The following FGF14 variants were observed in gnomAD, a reference collection of about 807,000 sequenced individuals.
FGF14 encodes the protein fibroblast growth factor homologous factor 4.
Under a neutral mutation model 25.5 loss-of-function variants are expected in FGF14, and 5 were observed. That is an observed-to-expected ratio of 0.20 (90% CI 0.10 to 0.41). The LOEUF (loss-of-function observed/expected upper bound fraction) is 0.41, where lower values mean the gene tolerates loss of function less well. FGF14 is among the 10% of genes least tolerant of loss of function. The pLI, the probability that FGF14 is intolerant of heterozygous loss-of-function variation, is 1.00. For missense variants in FGF14, 222 were observed against 320.1 expected, an observed-to-expected ratio of 0.69 and a Z score of 2.34; for synonymous variants, 138 against 118.3, an observed-to-expected ratio of 1.17 and a Z score of -1.08.
At chr13:101,753,020 G>A (rs1224090826) in intron 3 of FGF14, among the ~76,000 whole-genome samples, 1 of 152,032 alleles carries the variant, frequency 6.6e-6, no homozygotes, top group South Asian at 2.1e-4. Context: ...GTTTAATTAT[G>A]GTTTGATAAT....
At position 102,374,644 on chromosome 13, in the gene FGF14, T is replaced by TTATATA. The variant is rs55670716; in HGVS notation, c.208+26821_208+26826dup. On this transcript the variant is annotated intron_variant, in intron 1 of 4. Coordinates refer to the FGF14 transcript ENST00000376131. Reference sequence around the variant, plus strand: ...TTTTTTAATACATATCTTACATATTTTATATATATATATATATATATATAT... The same window carrying TTATATA: ...TTTTTTAATACATATCTTACATATTTTATATATATATATATATATATATATATATAT... Among the ~76,000 whole-genome samples the TTATATA allele has an allele frequency of 4.4e-3, 218 of 49,270 alleles. 2 individuals are homozygous for TTATATA. The highest frequency in any genetic ancestry group is 6.0e-3 in the Non-Finnish European group (152 of 25,438). 32.3% of individuals were successfully genotyped at this position (49,270 alleles called of 152,430 possible). A position where few individuals can be genotyped will look rare whatever the true frequency, so the allele number is the denominator to read the frequency against.
rs372279188 is a variant in FGF14, at chr13:102,129,043, G to C, written c.209-253747C>G. Among the ~76,000 whole-genome samples, 35 of 152,038 alleles carry C rather than the reference G, an allele frequency of 2.3e-4. No individual in the cohort carries two copies. The South Asian group carries it at 6.2e-3, about 27-fold the overall frequency. ...AGTTGCAGAAGTTGCACTCTAGCCT[G>C]GGCAACAAGAGTCAAACTGTGTCTC... On this transcript the variant is annotated intron_variant, in intron 1 of 4. Transcript: ENST00000376131.
intron 3 of FGF14, among the ~76,000 whole-genome samples, chr13:101,808,676 G>A (rs908290399): frequency 1.4e-4 from 21 of 152,162 alleles, no homozygotes; most frequent in African/African-American, 4.8e-4. Context: ...CTATTTATTG[G>A]AAATGAATAC....
At chr13:101,881,820 T>C (rs761446082) in intron 1 of FGF14, among the ~76,000 whole-genome samples, 1 of 152,192 alleles carries the variant, frequency 6.6e-6, no homozygotes, top group Non-Finnish European at 1.5e-5. Flanking sequence ...GTGGGTGTGT[T>C]ACTCATCTTC....
At chr13:101,919,902 C>T (rs1242193938), upstream of FGF14, among the ~76,000 whole-genome samples, 1 of 152,178 alleles carries the variant, frequency 6.6e-6, no homozygotes, top group Non-Finnish European at 1.5e-5. Context: ...CAGCGGACTC[C>T]GGAGTCTCCG....
intron 3 of FGF14, among the ~76,000 whole-genome samples, chr13:101,787,934 G>A (rs2039942561): frequency 6.6e-6 from 1 of 152,144 alleles, no homozygotes; most frequent in African/African-American, 2.4e-5. Context: ...TGCAGTGGCA[G>A]GATTTCACCT....
intron 1 of FGF14, among the ~76,000 whole-genome samples, chr13:102,049,514 C>T (rs2042128807): frequency 1.3e-5 from 2 of 152,096 alleles, no homozygotes; most frequent in Admixed American, 1.3e-4. Flanking sequence ...AAGTCCAAAT[C>T]ATCATTAAAT....
At chr13:102,222,074 T>C (rs772254362) in intron 1 of FGF14, among the ~76,000 whole-genome samples, 2 of 152,176 alleles carry the variant, frequency 1.3e-5, no homozygotes, top group Non-Finnish European at 2.9e-5. Context: ...CAAATCCTCC[T>C]TACCCCATAC....
intron 3 of FGF14, among the ~76,000 whole-genome samples, chr13:101,844,118 T>C (rs1345327186): frequency 2.6e-5 from 4 of 152,000 alleles, no homozygotes; most frequent in Non-Finnish European, 5.9e-5. Context: ...GTGTCTTCTA[T>C]TTATTGCCAC....
chr13:101,890,824 G>A (rs576812733), intron 1 of FGF14, among the ~76,000 whole-genome samples: 17 of 152,252 alleles, frequency 1.1e-4, no homozygotes, highest in Non-Finnish European at 2.2e-4. Flanking sequence ...AGACGGGATT[G>A]GGGGTGGAGG....
intron 1 of FGF14, among the ~76,000 whole-genome samples, chr13:102,153,845 G>T (rs757544109): frequency 6.6e-6 from 1 of 152,088 alleles, no homozygotes; most frequent in African/African-American, 2.4e-5. Context: ...CAGATGCAAT[G>T]AAAATAATAT....
intron 1 of FGF14, among the ~76,000 whole-genome samples, chr13:102,006,229 C>A (rs1396678093): frequency 6.6e-6 from 1 of 152,142 alleles, no homozygotes; most frequent in African/African-American, 2.4e-5. Flanking sequence ...TCATGTAAAT[C>A]TGAAATTATT....
At chr13:101,795,791 T>C (rs979514107) in intron 3 of FGF14, among the ~76,000 whole-genome samples, 2 of 152,234 alleles carry the variant, frequency 1.3e-5, no homozygotes, top group Admixed American at 1.3e-4. Context: ...ATTCATGTTG[T>C]AAATATTTAG....
At chr13:102,119,015 T>G (rs536460220) in intron 1 of FGF14, among the ~76,000 whole-genome samples, 2 of 149,812 alleles carry the variant, frequency 1.3e-5, no homozygotes, top group Non-Finnish European at 2.9e-5. Context: ...AGTAAAACTG[T>G]TGATTCAGCC....
chr13:102,265,423 A>G (rs1309541098), intron 1 of FGF14, among the ~76,000 whole-genome samples: 1 of 152,142 alleles, frequency 6.6e-6, no homozygotes, highest in Non-Finnish European at 1.5e-5. Context: ...TTGGTGAAAA[A>G]TAATAGCGCA....
At chr13:102,378,120 T>C (rs2139153388) in intron 1 of FGF14, among the ~76,000 whole-genome samples, 1 of 152,324 alleles carries the variant, frequency 6.6e-6, no homozygotes, top group Admixed American at 6.5e-5. Flanking sequence ...CATGATACTA[T>C]AATGGTGAAT....
chr13:102,371,023 T>C (rs769293911), intron 1 of FGF14, among the ~76,000 whole-genome samples: 7 of 152,150 alleles, frequency 4.6e-5, no homozygotes, highest in Non-Finnish European at 5.9e-5. Flanking sequence ...TCTCCACTTC[T>C]AGTGCAACTA....
chr13:102,257,455 GATT>G (rs1482824750), intron 1 of FGF14, among the ~76,000 whole-genome samples: 13 of 138,176 alleles, frequency 9.4e-5, no homozygotes, highest in Non-Finnish European at 9.1e-5. Context: ...AGGTTCAAGT[GATT>G]CTTCTGCCCC....
chr13:101,970,150 C>G (rs1387128547), intron 1 of FGF14, among the ~76,000 whole-genome samples: 1 of 152,168 alleles, frequency 6.6e-6, no homozygotes, highest in Non-Finnish European at 1.5e-5. Context: ...GACTGAGGCT[C>G]AGAGAGGCTG....
Sources: gnomAD v4.1 joint callset for allele counts (sites outside exome capture counted in the v4.1 genomes callset) on GRCh38, gnomAD v4.1.1 for gene constraint, MANE v1.5 for transcripts, NCBI Gene and HGNC (gene_info 2026-07-23, HGNC 2026-07-21) for gene names.